The following RGS6 variants were observed in gnomAD, a reference collection of about 807,000 sequenced individuals.
The protein encoded by RGS6 is regulator of G protein signaling 6.
A neutral mutation model predicts 78.5 loss-of-function variants in RGS6; 30 were observed. That is an observed-to-expected ratio of 0.38 (90% CI 0.29 to 0.52). The LOEUF is 0.52. RGS6 is among the 20% of genes least tolerant of loss of function. The pLI is 0.85. For missense variants in RGS6, 495 were observed against 609.7 expected (o/e 0.81, Z 1.98); for synonymous variants, 206 against 206.0 (o/e 1.00, Z 0.00).
chr14:72,439,881 C>T (rs891420316), intron 3 of RGS6, among the ~76,000 whole-genome samples: 1 of 152,236 alleles, frequency 6.6e-6, no homozygotes, highest in South Asian at 2.1e-4. Flanking sequence ...AGAAAGACCA[C>T]ATCCTGTGGG....
intron 17 of RGS6, chr14:72,547,280 A>C (rs776810504): frequency 1.3e-6 from 2 of 1,535,588 alleles, no homozygotes; most frequent in South Asian, 2.4e-5. Context: ...GGTCAAGGAG[A>C]GGAGACCCAA....
At chr14:72,335,987 A>G (rs887585130) in intron 2 of RGS6, among the ~76,000 whole-genome samples, 9 of 152,176 alleles carry the variant, frequency 5.9e-5, no homozygotes, top group Non-Finnish European at 1.2e-4. Context: ...CTCAGTGTGA[A>G]CTGGAAGCAG....
intron 3 of RGS6, among the ~76,000 whole-genome samples, chr14:72,441,796 G>C (rs970630088): frequency 6.6e-6 from 1 of 152,236 alleles, no homozygotes; most frequent in Non-Finnish European, 1.5e-5. Flanking sequence ...AGTGGGGAAT[G>C]ATGATGGTGC....
intron 2 of RGS6, among the ~76,000 whole-genome samples, chr14:72,330,370 G>T (rs2152566133): frequency 6.6e-6 from 1 of 152,268 alleles, no homozygotes; most frequent in South Asian, 2.1e-4. Flanking sequence ...CTGTCATTTG[G>T]GTGGACCTCA....
chr14:71,936,099 CATATG>C (rs1386905618), intron 1 of RGS6, among the ~76,000 whole-genome samples: 2 of 136,506 alleles, frequency 1.5e-5, no homozygotes, highest in South Asian at 2.3e-4. Context: ...GATATATATA[CATATG>C]ATATATGTAC....
intron 14 of RGS6, among the ~76,000 whole-genome samples, chr14:72,517,980 G>C (rs1298845962): frequency 6.6e-6 from 1 of 152,204 alleles, no homozygotes; most frequent in Non-Finnish European, 1.5e-5. Context: ...TTGGCATCTA[G>C]TGGGTAGAGG....
chr14:72,507,384 C>T (rs1567010263), intron 13 of RGS6, among the ~76,000 whole-genome samples: 1 of 152,156 alleles, frequency 6.6e-6, no homozygotes, highest in Non-Finnish European at 1.5e-5. Flanking sequence ...CTTCTAGGCT[C>T]CAGAACTGTG....
intron 2 of RGS6, among the ~76,000 whole-genome samples, chr14:71,994,988 A>G (rs1455914678): frequency 6.6e-6 from 1 of 152,124 alleles, no homozygotes; most frequent in Non-Finnish European, 1.5e-5. Context: ...ACCCTGTCCT[A>G]TGTGGAACTG....
the RGS6 span, among the ~76,000 whole-genome samples, chr14:72,577,764 C>T: frequency 1.3e-5 from 2 of 152,220 alleles, no homozygotes; most frequent in African/African-American, 2.4e-5. Context: ...GCCACTTCTT[C>T]ATGCCATTGA....
At chr14:72,542,066 C>G (rs2097334337) in intron 17 of RGS6, among the ~76,000 whole-genome samples, 1 of 152,028 alleles carries the variant, frequency 6.6e-6, no homozygotes, top group Non-Finnish European at 1.5e-5. Flanking sequence ...AGAAAAGTAT[C>G]CTAAGCTCCT....
chr14:72,176,834 T>A (rs914233036), intron 2 of RGS6, among the ~76,000 whole-genome samples: 1 of 152,210 alleles, frequency 6.6e-6, no homozygotes, highest in African/African-American at 2.4e-5. Context: ...CGCTCGCCCA[T>A]GTAATGTTCA....
At chr14:72,293,102 CT>C (rs1422591416) in intron 2 of RGS6, among the ~76,000 whole-genome samples, 1 of 152,210 alleles carries the variant, frequency 6.6e-6, no homozygotes, top group Non-Finnish European at 1.5e-5. Context: ...TCACTCTGTG[CT>C]AGTTAGTTTC....
intron 2 of RGS6, among the ~76,000 whole-genome samples, chr14:72,302,892 G>C (rs1202931849): frequency 6.6e-6 from 1 of 152,158 alleles, no homozygotes; most frequent in Non-Finnish European, 1.5e-5. Flanking sequence ...TTCCCATGCT[G>C]TTCTCGTGAT....
At chr14:72,264,488 A>C (rs907824944) in intron 2 of RGS6, among the ~76,000 whole-genome samples, 1 of 152,262 alleles carries the variant, frequency 6.6e-6, no homozygotes, top group Non-Finnish European at 1.5e-5. Context: ...AGTACAACTT[A>C]TTTTCCGGGA....
the RGS6 span, among the ~76,000 whole-genome samples, chr14:72,590,322 A>G: frequency 6.6e-6 from 1 of 152,256 alleles, no homozygotes; most frequent in Non-Finnish European, 1.5e-5. Flanking sequence ...GTTCACAAAA[A>G]ATGCTTGAAT....
At chr14:72,248,421 A>G (rs1005417013) in intron 2 of RGS6, among the ~76,000 whole-genome samples, 7 of 152,190 alleles carry the variant, frequency 4.6e-5, no homozygotes, top group African/African-American at 1.7e-4. Flanking sequence ...ATATGAGTTT[A>G]TTGCTAATTT....
chr14:72,067,345 G>A (rs528140860), intron 2 of RGS6, among the ~76,000 whole-genome samples: 2 of 152,210 alleles, frequency 1.3e-5, no homozygotes, highest in African/African-American at 2.4e-5. Context: ...AGAGCATTAG[G>A]AAATATACCT....
At chr14:72,242,459 A>G (rs1370212164) in intron 2 of RGS6, among the ~76,000 whole-genome samples, 1 of 152,224 alleles carries the variant, frequency 6.6e-6, no homozygotes, top group African/African-American at 2.4e-5. Flanking sequence ...TAACCTTTAT[A>G]AAGACTCTGA....
intron 2 of RGS6, among the ~76,000 whole-genome samples, chr14:72,314,560 A>G (rs2069556999): frequency 6.6e-6 from 1 of 151,936 alleles, no homozygotes; most frequent in African/African-American, 2.4e-5. Context: ...AGACAGCTCT[A>G]GAGTGAAGCA....
Sources: gnomAD v4.1 joint callset for allele counts (sites outside exome capture counted in the v4.1 genomes callset) on GRCh38, gnomAD v4.1.1 for gene constraint, MANE v1.5 for transcripts, NCBI Gene and HGNC (gene_info 2026-07-23, HGNC 2026-07-21) for gene names.